GLCE: variants seen among roughly 807,000 people sequenced by gnomAD.
The protein encoded by GLCE is D-glucuronyl C5-epimerase.
A neutral mutation model predicts 47.9 loss-of-function variants in GLCE; 19 were observed. That is an observed-to-expected ratio of 0.40 (90% confidence interval 0.28 to 0.58). GLCE has a LOEUF of 0.58. Among genes scored for constraint, GLCE ranks in the 20% least tolerant of loss-of-function variants. GLCE has a pLI of 0.48. For synonymous variants in GLCE, 245 were observed against 263.4 expected (o/e 0.93, Z 0.68); for missense variants, 556 against 743.3 (o/e 0.75, Z 2.93).
chr15:69,164,871 A>G (rs1459025089), intron 1 of GLCE, among the ~76,000 whole-genome samples: 2 of 152,192 alleles, frequency 1.3e-5, no homozygotes, highest in African/African-American at 4.8e-5. Flanking sequence ...TTATCTATAT[A>G]ATAATATGTC....
intron 1 of GLCE, among the ~76,000 whole-genome samples, chr15:69,165,505 CTTTTTTTTTTT>C (rs1172987241): frequency 1.2e-5 from 1 of 84,630 alleles, no homozygotes; most frequent in Admixed American, 1.2e-4. Context: ...GCACTGTCTG[CTTTTTTTTTTT>C]TTTTTTTTTT....
intron 1 of GLCE, among the ~76,000 whole-genome samples, chr15:69,192,422 TCTC>T (rs1237423787): frequency 2.0e-5 from 3 of 152,226 alleles, no homozygotes; most frequent in East Asian, 3.9e-4. Flanking sequence ...TGTTTCTTTG[TCTC>T]CTCATTGTGT....
At chr15:69,226,581 A>T (rs2052450774) in intron 2 of GLCE, among the ~76,000 whole-genome samples, 1 of 152,196 alleles carries the variant, frequency 6.6e-6, no homozygotes, top group Non-Finnish European at 1.5e-5. Flanking sequence ...AGGAAAGCTT[A>T]TACTAAAATG....
At chr15:69,194,001 A>C (rs533253423) in intron 1 of GLCE, among the ~76,000 whole-genome samples, 2 of 152,306 alleles carry the variant, frequency 1.3e-5, no homozygotes, top group African/African-American at 4.8e-5. Flanking sequence ...GTATTGGCTG[A>C]GAAATGAGAG....
At chr15:69,258,750 C>G (rs2052971382) in intron 3 of GLCE, among the ~76,000 whole-genome samples, 1 of 152,088 alleles carries the variant, frequency 6.6e-6, no homozygotes, top group African/African-American at 2.4e-5. Context: ...CAGTAATATT[C>G]TTTCAGTTAT....
At chr15:69,248,230 C>T (rs777356533) in intron 2 of GLCE, among the ~76,000 whole-genome samples, 7 of 152,150 alleles carry the variant, frequency 4.6e-5, no homozygotes, top group Non-Finnish European at 1.5e-5. Context: ...GGCAGTTCTC[C>T]TTTGAGTTAC....
At chr15:69,203,074 T>C (rs972472665) in intron 1 of GLCE, among the ~76,000 whole-genome samples, 2 of 152,142 alleles carry the variant, frequency 1.3e-5, no homozygotes, top group African/African-American at 2.4e-5. Flanking sequence ...TAGAGATAGG[T>C]GGTTCAATCT....
intron 1 of GLCE, among the ~76,000 whole-genome samples, chr15:69,200,111 A>C (rs1469936534): frequency 6.6e-6 from 1 of 152,110 alleles, no homozygotes; most frequent in East Asian, 1.9e-4. Context: ...TTTCCTAATC[A>C]TGAAATTGGA....
At chr15:69,187,543 G>T (rs548579064) in intron 1 of GLCE, among the ~76,000 whole-genome samples, 1 of 152,116 alleles carries the variant, frequency 6.6e-6, no homozygotes, top group South Asian at 2.1e-4. Flanking sequence ...TACCCTCAGT[G>T]GGCATTTTTC....
Position 69,256,388 on chromosome 15 carries a change from T to A in GLCE, c.582T>A (p.Val194=), listed in dbSNP as rs762007458. Residue 194 remains valine (V), a synonymous_variant, in exon 3 of 5, where the codon GTT becomes GTA. Transcript: ENST00000261858. ...ACAGAGTCAAGTGCATAAGTGGGGT[T>A]GAAGGTTGGTATCTGTCTGCTTCAC... ...VRDRVKCISG[V]EGVPLSTQWG... The A allele has an allele frequency of 7.5e-6, 12 of 1,601,714 alleles. No homozygotes were observed. In the African/African-American group the frequency reaches 1.5e-4, roughly 20 times the overall value.
chr15:69,165,634 A>G (rs1321011245), intron 1 of GLCE, among the ~76,000 whole-genome samples: 1 of 148,224 alleles, frequency 6.7e-6, no homozygotes, highest in East Asian at 2.0e-4. Context: ...TACTCACTGT[A>G]TCATGTTCAT....
chr15:69,232,367 T>C (rs1158774819), intron 2 of GLCE, among the ~76,000 whole-genome samples: 1 of 152,110 alleles, frequency 6.6e-6, no homozygotes, highest in Admixed American at 6.6e-5. Context: ...GAGATACATA[T>C]TGTGTTATAT....
intron 1 of GLCE, among the ~76,000 whole-genome samples, chr15:69,162,166 A>G (rs2051433960): frequency 1.3e-5 from 2 of 152,242 alleles, no homozygotes; most frequent in Non-Finnish European, 2.9e-5. Context: ...ACCTGTAAGG[A>G]TGGTTAATCG....
At chr15:69,242,161 G>A (rs889802648) in intron 2 of GLCE, among the ~76,000 whole-genome samples, 2 of 152,094 alleles carry the variant, frequency 1.3e-5, no homozygotes, top group Non-Finnish European at 2.9e-5. Context: ...CTCACTTAAT[G>A]GTTGTTAATA....
chr15:69,183,912 C>T (rs2140343602), intron 1 of GLCE, among the ~76,000 whole-genome samples: 1 of 152,246 alleles, frequency 6.6e-6, no homozygotes, highest in South Asian at 2.1e-4. Flanking sequence ...AACAGAGAAC[C>T]AAGTTGTAGT....
At chr15:69,207,207 T>C (rs1228643460) in intron 1 of GLCE, among the ~76,000 whole-genome samples, 2 of 152,142 alleles carry the variant, frequency 1.3e-5, no homozygotes, top group African/African-American at 4.8e-5. Context: ...CAGATTCATT[T>C]GTCATGGACT....
rs1595746333 is a variant in GLCE, at chr15:69,191,628, C to CAG, written c.-104-18688_-104-18687insAG. Among the ~76,000 whole-genome samples, 4 of 152,288 alleles carry CAG rather than the reference C, an allele frequency of 2.6e-5. No homozygotes were observed. In the East Asian group the frequency reaches 7.7e-4, roughly 29 times the overall value. On this transcript the variant is annotated intron_variant, in intron 1 of 4. Coordinates refer to ENST00000261858, the MANE Select transcript of GLCE (RefSeq NM_015554.3). ...TATTGGGAGCTGGTCAGGTAAGCGT[C>CAG]CTCTGCCTAGCATGTAGCAAAATTC...
intron 1 of GLCE, among the ~76,000 whole-genome samples, chr15:69,178,260 C>T (rs1566948002): frequency 6.6e-6 from 1 of 152,016 alleles, no homozygotes; most frequent in African/African-American, 2.4e-5. Context: ...GGGCAGAGGA[C>T]AAAACCAGGT....
At chr15:69,201,619 T>C (rs796729329) in intron 1 of GLCE, among the ~76,000 whole-genome samples, 32 of 148,814 alleles carry the variant, frequency 2.2e-4, no homozygotes, top group African/African-American at 6.5e-4. Flanking sequence ...AGCAGTGTTT[T>C]ACATACTAGA....
Sources: allele counts gnomAD v4.1 joint callset (sites outside exome capture counted in the v4.1 genomes callset), GRCh38; gene constraint gnomAD v4.1.1; transcripts MANE v1.5; gene names NCBI Gene and HGNC (gene_info 2026-07-23, HGNC 2026-07-21).